The following SYK variants were observed in gnomAD, a reference collection of about 807,000 sequenced individuals.
The protein encoded by SYK is spleen associated tyrosine kinase.
A neutral mutation model predicts 77.8 loss-of-function variants in SYK; 16 were observed. That is an observed-to-expected ratio of 0.21 (90% CI 0.14 to 0.31). SYK has a LOEUF of 0.31. SYK is among the 10% of genes least tolerant of loss of function. The pLI, the probability that SYK is intolerant of heterozygous loss-of-function variation, is 1.00. For synonymous variants in SYK, 312 were observed against 308.7 expected (o/e 1.01, Z -0.11); for missense variants, 529 against 814.4 (o/e 0.65, Z 4.26).
chr9:90,884,601 G>A (rs1260152714), intron 11 of SYK, among the ~76,000 whole-genome samples: 2 of 38,298 alleles, frequency 5.2e-5, no homozygotes, highest in Admixed American at 2.8e-4. Context: ...ATGTGTACAT[G>A]TACATATATA....
At chr9:90,831,398 C>A (rs1162924673) in intron 1 of SYK, among the ~76,000 whole-genome samples, 2 of 152,200 alleles carry the variant, frequency 1.3e-5, no homozygotes, top group African/African-American at 2.4e-5. Context: ...GCTACCTCTT[C>A]TGGTTCAATG....
At chr9:90,822,024 G>C (rs896932955) in intron 1 of SYK, among the ~76,000 whole-genome samples, 2 of 152,128 alleles carry the variant, frequency 1.3e-5, no homozygotes, top group Admixed American at 6.5e-5. Flanking sequence ...ATCAGTTGAT[G>C]AAAATATGGT....
At chr9:90,845,372 C>G (rs1826547672) in intron 2 of SYK, 62 bp from the exon 3 acceptor site, 3 of 1,544,106 alleles carry the variant, frequency 1.9e-6, no homozygotes, top group South Asian at 2.5e-5. Flanking sequence ...TTGGAAATGC[C>G]TTCTGCATCA....
intron 1 of SYK, among the ~76,000 whole-genome samples, chr9:90,809,352 G>A (rs144162723): frequency 1.3e-5 from 2 of 152,326 alleles, no homozygotes; most frequent in East Asian, 3.9e-4. Context: ...ATGCTGCTGG[G>A]ATTAGAACTC....
intron 7 of SYK, among the ~76,000 whole-genome samples, chr9:90,869,031 A>G (rs1236217659): frequency 6.6e-6 from 1 of 152,230 alleles, no homozygotes; most frequent in Non-Finnish European, 1.5e-5. Context: ...ACACATACAC[A>G]TACATATATG....
chr9:90,848,812 A>T (rs1259029772), intron 3 of SYK, among the ~76,000 whole-genome samples: 1 of 152,226 alleles, frequency 6.6e-6, no homozygotes, highest in East Asian at 1.9e-4. Context: ...GCTGAACAAT[A>T]GGAAAGAACT....
At chr9:90,825,571 T>C (rs1320178845) in intron 1 of SYK, among the ~76,000 whole-genome samples, 3 of 152,178 alleles carry the variant, frequency 2.0e-5, no homozygotes, top group East Asian at 3.8e-4. Flanking sequence ...AAAACAGTGG[T>C]CAGTGGTACA....
intron 1 of SYK, among the ~76,000 whole-genome samples, chr9:90,822,822 TC>T (rs1244531133): frequency 2.6e-5 from 4 of 152,240 alleles, no homozygotes; most frequent in African/African-American, 7.2e-5. Context: ...GCCCCTGAGG[TC>T]CACACCTGGA....
At chr9:90,828,245 C>CCCG (rs1439374883) in intron 1 of SYK, among the ~76,000 whole-genome samples, 1 of 118,764 alleles carries the variant, frequency 8.4e-6, no homozygotes, top group African/African-American at 3.0e-5. Context: ...GCCCCCCCCC[C>CCCG]CGCCCCGCCC....
rs140372705 is a variant in SYK, at chr9:90,875,418, A to AAAAAAG, written c.1181+573_1181+574insAGAAAA. Among the ~76,000 whole-genome samples the AAAAAAG allele has an allele frequency of 6.6e-4, 100 of 150,796 alleles. 2 individuals carry two copies. Among genetic ancestry groups the AAAAAAG allele is most frequent in the South Asian group, 2.1e-4 (1 of 4,658 alleles). ...GCCCTGTTTCAAAAAACAAAACAAA[A>AAAAAAG]AAAAGAAAAGAAGAACATCATATTT... On this transcript the variant is annotated intron_variant, in intron 9 of 13. Coordinates refer to ENST00000375754, the MANE Select transcript of SYK (RefSeq NM_003177.7).
intron 3 of SYK, among the ~76,000 whole-genome samples, chr9:90,859,345 T>C (rs1827162021): frequency 6.6e-6 from 1 of 152,228 alleles, no homozygotes; most frequent in African/African-American, 2.4e-5. Flanking sequence ...TGTACATCAC[T>C]AGATAAAACA....
At chr9:90,852,413 C>T (rs1240329887) in intron 3 of SYK, among the ~76,000 whole-genome samples, 1 of 152,226 alleles carries the variant, frequency 6.6e-6, no homozygotes, top group Non-Finnish European at 1.5e-5. Flanking sequence ...CTCCCACACA[C>T]ATCGCTCTGC....
At chr9:90,813,542 GCTGGTAGTACCCCAT>G (rs1825175223) in intron 1 of SYK, among the ~76,000 whole-genome samples, 1 of 152,152 alleles carries the variant, frequency 6.6e-6, no homozygotes, top group Admixed American at 6.5e-5. Flanking sequence ...ACTGCTGGGG[GCTGGTAGTACCCCAT>G]CTGCAAAATG....
rs879530885 is a variant in SYK, at chr9:90,830,880, C to T, written c.-41-12978C>T. ...GATTACAAGCGTGAGCCACCACACC[C>T]GGCCTCCTCTTTCTTATGAAAATTA... On this transcript the variant is annotated intron_variant, in intron 1 of 13. Coordinates refer to ENST00000375754, the MANE Select transcript of SYK (RefSeq NM_003177.7). Among the ~76,000 whole-genome samples, 9 of 152,240 alleles carry T rather than the reference C, an allele frequency of 5.9e-5. 1 individual carries two copies. Among genetic ancestry groups the T allele is most frequent in the East Asian group, 3.9e-4 (2 of 5,180 alleles).
chr9:90,834,782 A>G (rs1447016460), intron 1 of SYK, among the ~76,000 whole-genome samples: 2 of 152,188 alleles, frequency 1.3e-5, no homozygotes, highest in East Asian at 3.8e-4. Flanking sequence ...AGCTATCATT[A>G]GTATTAGTAT....
At chr9:90,844,430 C>A in intron 2 of SYK, 115 bp downstream of exon 2, 1 of 1,227,342 alleles carries the variant, frequency 8.1e-7, no homozygotes. Context: ...AATAACACAA[C>A]CATCTCCTTA....
chr9:90,809,608 T>C (rs997025052), intron 1 of SYK, among the ~76,000 whole-genome samples: 7 of 152,222 alleles, frequency 4.6e-5, no homozygotes, highest in Non-Finnish European at 1.0e-4. Context: ...AAGTTAAGCA[T>C]ATACAATAGG....
intron 3 of SYK, 70 bp from the exon 4 acceptor site, chr9:90,862,136 T>C: frequency 6.6e-7 from 1 of 1,507,332 alleles, no homozygotes; most frequent in Non-Finnish European, 8.9e-7. Flanking sequence ...CAGGCCAGGG[T>C]GCTTCCTCCC....
intron 3 of SYK, among the ~76,000 whole-genome samples, chr9:90,847,850 T>C (rs1993704): frequency 0.24 from 36,409 of 152,252 alleles, 5,064 homozygotes; most frequent in South Asian, 0.35. Flanking sequence ...CTCTCTTCAG[T>C]GCTCTTTCTC....
Sources: allele counts gnomAD v4.1 joint callset (sites outside exome capture counted in the v4.1 genomes callset), GRCh38; gene constraint gnomAD v4.1.1; transcripts MANE v1.5; gene names NCBI Gene and HGNC (gene_info 2026-07-23, HGNC 2026-07-21).